Variants in SBNO2 observed in about 807,000 individuals in gnomAD.
SBNO2 encodes the protein strawberry notch homolog 2, also known as protein strawberry notch homolog 2.
SBNO2 carries 89 observed loss-of-function variants against 146.3 expected under a neutral mutation model. The observed-to-expected ratio is 0.61, with a 90% CI of 0.51 to 0.73. The LOEUF is 0.73. Among genes scored for constraint, SBNO2 ranks in the 30% least tolerant of loss-of-function variants. SBNO2 has a pLI of 0.00. For missense variants in SBNO2, 2,092 were observed against 2,003.7 expected (o/e 1.04, Z -0.84); for synonymous variants, 1,147 against 892.6 (o/e 1.29, Z -5.08).
rs375708101 is a variant in SBNO2, at chr19:1,122,887, C to T, written c.780+7G>A. ...CAGGCTGGGCTGGGTTGGGGACATG[C>T]GGTCACCTGGCAGGCGTAGGTGATG... is the stretch of plus-strand genomic sequence containing the variant. On this transcript the variant is annotated splice_region_variant and intron_variant, in intron 8 of 31. Coordinates refer to ENST00000361757, the MANE Select transcript of SBNO2 (RefSeq NM_014963.3). 2.0e-4 allele frequency: 304 copies of T among 1,541,994 alleles called. 1 individual carries two copies. Among genetic ancestry groups the T allele is most frequent in the African/African-American group, 4.1e-5 (3 of 73,176 alleles).
chr19:1,121,429 G>A (rs771271789), intron 11 of SBNO2, among the ~76,000 whole-genome samples: 8 of 152,196 alleles, frequency 5.3e-5, no homozygotes, highest in Non-Finnish European at 8.8e-5. Flanking sequence ...GTGTCTCGGC[G>A]TTAACTGAAC....
At chr19:1,115,032 C>A (rs1390239611) in intron 17 of SBNO2, among the ~76,000 whole-genome samples, 1 of 152,044 alleles carries the variant, frequency 6.6e-6, no homozygotes, top group Non-Finnish European at 1.5e-5. Flanking sequence ...CGGGTTCAAG[C>A]AATTCCCCTG....
chr19:1,158,899 G>A lies in SBNO2; in HGVS notation c.-126-4497C>T, dbSNP rs895717027. Among the ~76,000 whole-genome samples the A allele has an allele frequency of 1.1e-4, 16 of 151,758 alleles. No homozygotes were observed. The East Asian group carries it at 1.7e-3, about 16-fold the overall frequency. On this transcript the variant is annotated intron_variant, in intron 1 of 31. Coordinates refer to ENST00000361757, the MANE Select transcript of SBNO2 (RefSeq NM_014963.3). The surrounding 1 kb of genome is among the most constrained non-coding windows in gnomAD (Gnocchi z 9.9). ...CAGCTGTGACCGCCGCCCCACAGCC[G>A]CGACCCCACCTGCAGCCGTGACCCC...
intron 4 of SBNO2, among the ~76,000 whole-genome samples, chr19:1,142,532 T>C (rs2080151034): frequency 6.6e-6 from 1 of 151,662 alleles, no homozygotes; most frequent in East Asian, 1.9e-4. Flanking sequence ...ATACAAAAAT[T>C]AGCCAGGCGT....
At chr19:1,151,008 G>C (rs2080237578) in intron 2 of SBNO2, among the ~76,000 whole-genome samples, 1 of 152,384 alleles carries the variant, frequency 6.6e-6, no homozygotes, top group African/African-American at 2.4e-5. Flanking sequence ...CCCGTGAGAA[G>C]ACCCCGTGCA....
intron 10 of SBNO2, 29 bp from the exon 11 acceptor site, chr19:1,122,311 G>A (rs924486859): frequency 2.6e-6 from 4 of 1,539,716 alleles, no homozygotes; most frequent in Non-Finnish European, 3.5e-6. Flanking sequence ...GGTGTGGAAT[G>A]GGGCCCCGGC....
At chr19:1,115,866 ACTGGCAGCGGAGCCTTGAGCCTGC>A (rs1434856310) in intron 17 of SBNO2, 131 bp downstream of exon 17, 2 of 694,908 alleles carry the variant, frequency 2.9e-6, no homozygotes, top group Non-Finnish European at 2.6e-6. Context: ...AAGACCTGCC[ACTGGCAGCGGAGCCTTGAGCCTGC>A]CTGGCACGGA....
chr19:1,132,037 C>T (rs2080034838), intron 4 of SBNO2: 3 of 1,386,962 alleles, frequency 2.2e-6, no homozygotes, highest in Non-Finnish European at 2.9e-6. Context: ...GGGGTCCCAC[C>T]TCCCAGACCC....
At position 1,126,366 on chromosome 19, in the gene SBNO2, T is replaced by G. The variant is rs1372307226; in HGVS notation, c.441+1238A>C. On this transcript the variant is annotated intron_variant, in intron 5 of 31. Coordinates refer to ENST00000361757, the MANE Select transcript of SBNO2 (RefSeq NM_014963.3). The surrounding 1 kb of genome is among the most constrained non-coding windows in gnomAD (Gnocchi z 4.4). ...CCCGGTGGGGCTGGCGGGCATTGGG[T>G]TTCAGATGCCCTCGTGCCGGCCACA... 6.6e-6 allele frequency among the ~76,000 whole-genome samples: 1 copy of G among 151,768 alleles called. No individual in the cohort carries two copies. The highest frequency in any genetic ancestry group is 1.5e-5 in the Non-Finnish European group (1 of 67,904).
At chr19:1,111,390 G>T in intron 24 of SBNO2, 116 bp downstream of exon 24, 1 of 779,960 alleles carries the variant, frequency 1.3e-6, no homozygotes, top group South Asian at 1.7e-5. Flanking sequence ...TCCGTGTGTG[G>T]GGAGGGGTCA....
chr19:1,160,776 C>A (rs1054141177), intron 1 of SBNO2, among the ~76,000 whole-genome samples: 2 of 152,138 alleles, frequency 1.3e-5, no homozygotes, highest in Non-Finnish European at 2.9e-5. Flanking sequence ...GTGATCCGCC[C>A]GCCTCGGCCT....
intron 1 of SBNO2, among the ~76,000 whole-genome samples, chr19:1,163,277 A>C (rs1599881339): frequency 6.6e-6 from 1 of 152,220 alleles, no homozygotes; most frequent in Admixed American, 6.5e-5. Flanking sequence ...ACACCCACAC[A>C]TCGGGAGACG....
chr19:1,172,783 C>CCG lies in SBNO2; in HGVS notation c.-127+1388_-127+1389insCG, dbSNP rs1568659753. 2.3e-5 allele frequency among the ~76,000 whole-genome samples: 2 copies of CCG among 87,066 alleles called. 1 individual carries two copies. The highest frequency in any genetic ancestry group is 4.7e-5 in the Non-Finnish European group (2 of 42,602). 57.1% of individuals were successfully genotyped at this position (87,066 alleles called of 152,430 possible). A position where few individuals can be genotyped will look rare whatever the true frequency, so the allele number is the denominator to read the frequency against. On this transcript the variant is annotated intron_variant, in intron 1 of 31. Transcript: ENST00000361757. Reference sequence around the variant, plus strand: ...GTAAAACACTCACTGCAACCGCCCCCCCCGCCCCGGCAAACTGGCAGCCAG... The same window carrying CCG: ...GTAAAACACTCACTGCAACCGCCCCCCGCCCGCCCCGGCAAACTGGCAGCCAG...
intron 12 of SBNO2, 110 bp from the exon 13 acceptor site, chr19:1,119,731 A>G: frequency 9.4e-7 from 1 of 1,060,214 alleles, no homozygotes; most frequent in Non-Finnish European, 1.4e-6. Flanking sequence ...GGTTGGAGCC[A>G]TGGGCCTGAA....
At chr19:1,128,123 AGT>A in intron 4 of SBNO2, 3 of 504,678 alleles carry the variant, frequency 5.9e-6, no homozygotes, top group South Asian at 4.6e-5. Context: ...AGAGCGAGAG[AGT>A]GAGACTCCGT....
chr19:1,145,806 G>A (rs1461238585), intron 4 of SBNO2, among the ~76,000 whole-genome samples: 3 of 152,218 alleles, frequency 2.0e-5, no homozygotes, highest in East Asian at 3.9e-4. Flanking sequence ...GGGCTACTGC[G>A]GGTGAGGACA....
At chr19:1,138,209 G>A (rs977898103) in intron 4 of SBNO2, among the ~76,000 whole-genome samples, 1 of 146,414 alleles carries the variant, frequency 6.8e-6, no homozygotes, top group Non-Finnish European at 1.5e-5. Flanking sequence ...GCTCGGGCTG[G>A]GGTGTGGTGG....
At position 1,111,707 on chromosome 19, in the gene SBNO2, C is replaced by CCTGGA. The variant is rs1454165614; in HGVS notation, c.2701-94_2701-93insTCCAG. On this transcript the variant is annotated intron_variant, in intron 23 of 31. Coordinates refer to ENST00000361757, the MANE Select transcript of SBNO2 (RefSeq NM_014963.3). ...CCCCAGAACCCCACCCTCCCCTAGG[C>CCTGGA]CCCTGGACCCTGCCCTCCCCTAGAC... 3.1e-5 allele frequency: 23 copies of CCTGGA among 739,032 alleles called. No individual in the cohort carries two copies. The Admixed American group carries it at 5.9e-4, about 19-fold the overall frequency. 45.8% of individuals were successfully genotyped at this position (739,032 alleles called of 1,614,324 possible). A position where few individuals can be genotyped will look rare whatever the true frequency, so the allele number is the denominator to read the frequency against.
chr19:1,117,667 G>C lies in SBNO2; in HGVS notation c.1528-168C>G, dbSNP rs898695318. On this transcript the variant is annotated intron_variant, in intron 14 of 31. Transcript: ENST00000361757. ...ACTGTAAGAGGCACTGCCTCTACCT[G>C]TACGGCAAAAACCTGAAAAACCAAA... 6.6e-6 allele frequency among the ~76,000 whole-genome samples: 1 copy of C among 152,246 alleles called. No homozygotes were observed. Among genetic ancestry groups the C allele is most frequent in the Non-Finnish European group, 1.5e-5 (1 of 68,044 alleles).
Sources: gnomAD v4.1 joint callset for allele counts (sites outside exome capture counted in the v4.1 genomes callset) on GRCh38, gnomAD v4.1.1 for gene constraint, Gnocchi (gnomAD v3.1) non-coding constraint, MANE v1.5 for transcripts, NCBI Gene and HGNC (gene_info 2026-07-23, HGNC 2026-07-21) for gene names.